The following CNOT6L variants were observed in gnomAD, a reference collection of about 807,000 sequenced individuals.
CNOT6L encodes the protein CCR4-NOT transcription complex subunit 6-like.
In CNOT6L, 7 loss-of-function variants were observed where a neutral mutation model predicts 64.0. The observed-to-expected ratio is 0.11, with a 90% confidence interval of 0.06 to 0.21. The LOEUF is 0.21. CNOT6L is among the 10% of genes least tolerant of loss of function. CNOT6L has a pLI of 1.00. For missense variants in CNOT6L, 245 were observed against 669.0 expected (o/e 0.37, Z 6.99); for synonymous variants, 193 against 243.4 (o/e 0.79, Z 1.93).
intron 8 of CNOT6L, among the ~76,000 whole-genome samples, chr4:77,738,985 A>C (rs1212385427): frequency 6.6e-6 from 1 of 152,180 alleles, no homozygotes; most frequent in Non-Finnish European, 1.5e-5. Flanking sequence ...AATGATGACC[A>C]AACAGGTGCT....
At chr4:77,791,002 G>A (rs531074163) in intron 1 of CNOT6L, among the ~76,000 whole-genome samples, 2 of 152,040 alleles carry the variant, frequency 1.3e-5, no homozygotes, top group South Asian at 4.2e-4. Flanking sequence ...TGTTAGCCAG[G>A]TGCGGTGGCT....
In CNOT6L at chr4:77,729,099, A is replaced by G; in HGVS notation, c.1025-18T>C. 6.3e-7 allele frequency: 1 copy of G among 1,580,814 alleles called. No homozygotes were observed. Among genetic ancestry groups the G allele is most frequent in the Non-Finnish European group, 8.7e-7 (1 of 1,151,694 alleles). On this transcript the variant is annotated intron_variant, in intron 9 of 11. Coordinates refer to ENST00000504123, the MANE Select transcript of CNOT6L (RefSeq NM_144571.3). ...CTTCATACCTAAATTTAAACATTAC[A>G]AAAAGAAGACAAAGTTATGCTTTAT...
At chr4:77,814,154 C>T (rs747507625) in intron 1 of CNOT6L, among the ~76,000 whole-genome samples, 1 of 152,022 alleles carries the variant, frequency 6.6e-6, no homozygotes, top group Non-Finnish European at 1.5e-5. Flanking sequence ...TGCATTTGTA[C>T]AAAATGTCCA....
At chr4:77,742,577 C>A in intron 7 of CNOT6L, 1 of 381,912 alleles carries the variant, frequency 2.6e-6, no homozygotes, top group East Asian at 5.7e-5. Flanking sequence ...TTACAGTTCA[C>A]TCCATTATAC....
At chr4:77,753,248 AAAC>A (rs1725054326) in intron 5 of CNOT6L, among the ~76,000 whole-genome samples, 1 of 151,692 alleles carries the variant, frequency 6.6e-6, no homozygotes, top group African/African-American at 2.4e-5. Context: ...AAATTCTTCC[AAAC>A]AACAGAAAAT....
chr4:77,763,846 T>C (rs1726509925), intron 4 of CNOT6L, among the ~76,000 whole-genome samples: 1 of 152,166 alleles, frequency 6.6e-6, no homozygotes, highest in African/African-American at 2.4e-5. Flanking sequence ...TAAAATCACA[T>C]GCATGGAAAT....
chr4:77,757,020 T>C, intron 4 of CNOT6L, 69 bp from the exon 5 acceptor site: 3 of 643,392 alleles, frequency 4.7e-6, no homozygotes, highest in Non-Finnish European at 7.9e-6. Context: ...ATGTATACTA[T>C]AAAATAAAAT....
intron 1 of CNOT6L, among the ~76,000 whole-genome samples, chr4:77,817,646 C>A (rs1371984098): frequency 1.3e-5 from 2 of 152,226 alleles, no homozygotes; most frequent in African/African-American, 4.8e-5. Context: ...TAACTGAAGT[C>A]TGTAAAACAA....
rs1347672047 is a variant in CNOT6L at position 77,715,121 on chromosome 4, T to G, written c.*5310A>C. The G allele has an allele frequency of 6.6e-6, 1 of 152,090 alleles. No individual in the cohort carries two copies. Among genetic ancestry groups the G allele is most frequent in the East Asian group, 1.9e-4 (1 of 5,190 alleles). The allele number at this position is 152,090 out of a possible 1,614,324, so 9.4% of individuals were successfully genotyped here. The stretch of plus-strand genomic sequence containing the variant: ...GCTTTAGAGTTAAAAGTGACAGACA[T>G]ACAACTGGAAAATTATCTAAATTTT... On this transcript the variant is annotated 3_prime_UTR_variant, in exon 12 of 12. Transcript: ENST00000504123.
At chr4:77,775,338 T>G (rs373076728) in intron 2 of CNOT6L, among the ~76,000 whole-genome samples, 181 of 152,284 alleles carry the variant, frequency 1.2e-3, no homozygotes, top group African/African-American at 4.2e-3. Flanking sequence ...AATGAATGCC[T>G]ACTGGGGAAA....
At chr4:77,818,742 C>G (rs1733865854) in intron 1 of CNOT6L, among the ~76,000 whole-genome samples, 1 of 152,006 alleles carries the variant, frequency 6.6e-6, no homozygotes, top group African/African-American at 2.4e-5. Context: ...AGGCCCGAGG[C>G]AGCGCCGTGG....
At chr4:77,778,353 T>C (rs1728386034) in intron 1 of CNOT6L, among the ~76,000 whole-genome samples, 1 of 151,648 alleles carries the variant, frequency 6.6e-6, no homozygotes, top group South Asian at 2.1e-4. Flanking sequence ...ACAATGAGAA[T>C]GGGTAAAACA....
chr4:77,794,805 T>C (rs1730614524), intron 1 of CNOT6L, among the ~76,000 whole-genome samples: 1 of 151,906 alleles, frequency 6.6e-6, no homozygotes, highest in Non-Finnish European at 1.5e-5. Context: ...GATATAAAAG[T>C]CATGGAGACT....
intron 11 of CNOT6L, among the ~76,000 whole-genome samples, chr4:77,721,429 T>A (rs986858375): frequency 1.3e-5 from 2 of 152,176 alleles, no homozygotes; most frequent in Non-Finnish European, 2.9e-5. Flanking sequence ...CCTATCTAGT[T>A]CCTATTCATA....
chr4:77,797,697 T>C (rs990803610), intron 1 of CNOT6L, among the ~76,000 whole-genome samples: 9 of 152,116 alleles, frequency 5.9e-5, no homozygotes, highest in Non-Finnish European at 1.0e-4. Flanking sequence ...TATAGTGAGG[T>C]TGCCAAAATC....
intron 9 of CNOT6L, among the ~76,000 whole-genome samples, chr4:77,730,206 AG>A (rs1170407826): frequency 1.3e-5 from 2 of 152,120 alleles, no homozygotes; most frequent in South Asian, 4.1e-4. Flanking sequence ...TTCAATGTTG[AG>A]AAAATAAGAA....
intron 1 of CNOT6L, among the ~76,000 whole-genome samples, chr4:77,790,693 A>G (rs1730027673): frequency 6.6e-6 from 1 of 152,068 alleles, no homozygotes; most frequent in Admixed American, 6.6e-5. Context: ...ATATGCAAAA[A>G]ACTTTCCCCA....
At chr4:77,773,805 G>C (rs916695971) in intron 3 of CNOT6L, among the ~76,000 whole-genome samples, 28 of 151,984 alleles carry the variant, frequency 1.8e-4, no homozygotes, top group Admixed American at 1.8e-3. Context: ...TTAAAATAAA[G>C]CATAGATAGT....
intron 1 of CNOT6L, among the ~76,000 whole-genome samples, chr4:77,799,687 G>A (rs1057148677): frequency 7.0e-6 from 1 of 141,942 alleles, no homozygotes; most frequent in South Asian, 2.2e-4. Flanking sequence ...CTAGGTGAGG[G>A]GAGTGAAACT....
Sources: gnomAD v4.1 joint callset for allele counts (sites outside exome capture counted in the v4.1 genomes callset) on GRCh38, gnomAD v4.1.1 for gene constraint, MANE v1.5 for transcripts, NCBI Gene and HGNC (gene_info 2026-07-23, HGNC 2026-07-21) for gene names.